The following MAP4 variants were observed in gnomAD, a reference collection of about 807,000 sequenced individuals.
The protein encoded by MAP4 is microtubule associated protein 4, also known as microtubule-associated protein 4.
A neutral mutation model predicts 170.2 loss-of-function variants in MAP4; 76 were observed. The observed-to-expected ratio is 0.45, with a 90% CI of 0.37 to 0.54. The LOEUF (loss-of-function observed/expected upper bound fraction) is 0.54. MAP4 is among the 20% of genes least tolerant of loss of function. The pLI, the probability that MAP4 is intolerant of heterozygous loss-of-function variation, is 0.00. For missense variants in MAP4, 2,506 were observed against 2,748.0 expected (o/e 0.91, Z 1.97); for synonymous variants, 909 against 994.5 (o/e 0.91, Z 1.62).
At chr3:48,079,826 T>G (rs1006235786) in intron 1 of MAP4, among the ~76,000 whole-genome samples, 4 of 151,606 alleles carry the variant, frequency 2.6e-5, no homozygotes. Context: ...GGCAGGTACT[T>G]GTAGTCCCAG....
intron 3 of MAP4, among the ~76,000 whole-genome samples, chr3:47,959,109 A>T (rs184073542): frequency 1.4e-5 from 2 of 142,844 alleles, no homozygotes; most frequent in African/African-American, 5.5e-5. Context: ...GTGTGCAGTA[A>T]AAAAAAAAAA....
rs200266531 is a variant in MAP4 at position 47,875,924 on chromosome 3, T to A, written c.5542-24A>T. 962 of 1,520,848 alleles carry A rather than the reference T, an allele frequency of 6.3e-4. 3 individuals are homozygous for A. The highest frequency in any genetic ancestry group is 8.0e-4 in the Non-Finnish European group (892 of 1,120,334). 94.2% of individuals were successfully genotyped at this position (1,520,848 alleles called of 1,614,324 possible). ...GGCTTTAGGTTGATTGTTGTTTATT[T>A]TTTATTTTTATTTTTTAAAGGGCAA... On this transcript the variant is annotated intron_variant, in intron 11 of 20. Transcript: ENST00000683076.
At chr3:47,881,133 C>G (rs1409750961) in intron 10 of MAP4, among the ~76,000 whole-genome samples, 1 of 151,824 alleles carries the variant, frequency 6.6e-6, no homozygotes, top group Non-Finnish European at 1.5e-5. Flanking sequence ...ATCCTTTATT[C>G]TTTTCTCCGA....
intron 3 of MAP4, among the ~76,000 whole-genome samples, chr3:47,952,230 C>G (rs1188134539): frequency 1.1e-4 from 16 of 151,768 alleles, no homozygotes; most frequent in Admixed American, 3.3e-4. Flanking sequence ...GCATCTCCAC[C>G]CGGCAGCCGC....
intron 10 of MAP4, among the ~76,000 whole-genome samples, chr3:47,888,569 A>G (rs1177924722): frequency 6.6e-6 from 1 of 152,132 alleles, no homozygotes. Context: ...AACTCCGAAC[A>G]CATCTGAACA....
At chr3:47,974,874 CATT>C (rs1229974527) in intron 3 of MAP4, 3 of 965,346 alleles carry the variant, frequency 3.1e-6, no homozygotes, top group African/African-American at 3.5e-5. Context: ...AAATATCTAT[CATT>C]ATTTAGATTT....
At chr3:47,900,797 GTTCTT>G (rs558293295) in intron 10 of MAP4, among the ~76,000 whole-genome samples, 15 of 152,124 alleles carry the variant, frequency 9.9e-5, no homozygotes, top group Non-Finnish European at 1.9e-4. Context: ...TCAAGTCTTT[GTTCTT>G]TTAAGTCTAG....
chr3:47,892,569 A>T, intron 10 of MAP4: 1 of 1,441,860 alleles, frequency 6.9e-7, no homozygotes, highest in Non-Finnish European at 9.1e-7. Flanking sequence ...GCTTGCAGTG[A>T]CATCACACCA....
Position 47,880,108 on chromosome 3 carries a change from C to CT in MAP4, c.5435-2586dup, listed in dbSNP as rs879431942. Among the ~76,000 whole-genome samples, 771 of 146,876 alleles carry CT rather than the reference C, an allele frequency of 5.2e-3. 8 individuals carry two copies. The highest frequency in any genetic ancestry group is 0.018 in the African/African-American group (729 of 40,366). ...ATTTTCTTCAGACTATAACAGATTA[C>CT]TTTTTTTTTTTGAGATGGAGTCTCA... is the stretch of plus-strand genomic sequence containing the variant. On this transcript the variant is annotated intron_variant, in intron 10 of 20. Transcript: ENST00000683076.
At chr3:48,062,654 G>A (rs1174123590) in intron 1 of MAP4, among the ~76,000 whole-genome samples, 6 of 151,688 alleles carry the variant, frequency 4.0e-5, no homozygotes, top group Non-Finnish European at 7.4e-5. Flanking sequence ...TGGGCGTGGT[G>A]GTTCACGCCT....
chr3:47,950,278 T>C (rs1002236971), intron 3 of MAP4, among the ~76,000 whole-genome samples: 2 of 152,218 alleles, frequency 1.3e-5, no homozygotes, highest in African/African-American at 4.8e-5. Flanking sequence ...AATTGCAATA[T>C]TTCTGTTTCC....
At position 47,853,663 on chromosome 3, in the gene MAP4, G is replaced by T. The variant is rs948961920; in HGVS notation, c.6697-311C>A. Among the ~76,000 whole-genome samples, 9 of 152,212 alleles carry T rather than the reference G, an allele frequency of 5.9e-5. No individual in the cohort carries two copies. The East Asian group carries it at 1.7e-3, about 29-fold the overall frequency. On this transcript the variant is annotated intron_variant, in intron 19 of 20. Transcript: ENST00000683076. The stretch of plus-strand genomic sequence containing the variant: ...TGCCAGGCCTCAGGCTGGTACCAAA[G>T]ACGTAGCCATGACAACAGTAAGCAA...
intron 3 of MAP4, among the ~76,000 whole-genome samples, chr3:47,966,063 G>T (rs544438850): frequency 6.6e-6 from 1 of 151,320 alleles, no homozygotes; most frequent in East Asian, 1.9e-4. Flanking sequence ...TAAGATAATG[G>T]TCCCAACTTA....
intron 9 of MAP4, among the ~76,000 whole-genome samples, chr3:47,904,814 C>T (rs2100032017): frequency 6.6e-6 from 1 of 151,132 alleles, no homozygotes; most frequent in Non-Finnish European, 1.5e-5. Flanking sequence ...GAATTACAGG[C>T]ATGCAACATC....
chr3:47,927,214 C>T (rs569400066), intron 4 of MAP4, among the ~76,000 whole-genome samples: 2 of 151,796 alleles, frequency 1.3e-5, no homozygotes, highest in Non-Finnish European at 2.9e-5. Flanking sequence ...ACCCTCCCCC[C>T]ATAATTACTT....
intron 2 of MAP4, 80 bp from the exon 3 acceptor site, chr3:47,978,013 G>A (rs1241816767): frequency 4.4e-6 from 4 of 902,356 alleles, no homozygotes; most frequent in Admixed American, 3.5e-5. Context: ...TATTAATGGA[G>A]TTTTTCTCAC....
At chr3:47,854,253 A>G (rs897258390) in intron 19 of MAP4, among the ~76,000 whole-genome samples, 5 of 152,202 alleles carry the variant, frequency 3.3e-5, no homozygotes, top group Non-Finnish European at 4.4e-5. Flanking sequence ...GACTAAAGCC[A>G]AGTTAACGCC....
At chr3:47,965,523 C>A (rs2100074333) in intron 3 of MAP4, among the ~76,000 whole-genome samples, 1 of 152,150 alleles carries the variant, frequency 6.6e-6, no homozygotes, top group South Asian at 2.1e-4. Flanking sequence ...CAGCAGTACA[C>A]AAGGGTTCTA....
intron 1 of MAP4, among the ~76,000 whole-genome samples, chr3:48,084,082 T>TA (rs2100147887): frequency 1.3e-4 from 19 of 150,724 alleles, no homozygotes; most frequent in Admixed American, 1.3e-3. Context: ...GCAGCGGGAG[T>TA]GCCTGTAATC....
Sources: allele counts gnomAD v4.1 joint callset (sites outside exome capture counted in the v4.1 genomes callset), GRCh38; gene constraint gnomAD v4.1.1; transcripts MANE v1.5; gene names NCBI Gene and HGNC (gene_info 2026-07-23, HGNC 2026-07-21).